EDIL3: variants seen among roughly 807,000 people sequenced by gnomAD.
The protein encoded by EDIL3 is EGF like and discoidin domains 3, also known as EGF-like repeat and discoidin I-like domain-containing protein 3.
In EDIL3, 37 loss-of-function variants were observed where a neutral mutation model predicts 67.4. The observed-to-expected ratio is 0.55, with a 90% confidence interval of 0.42 to 0.72. The LOEUF is 0.72. Among genes scored for constraint, EDIL3 ranks in the 30% least tolerant of loss-of-function variants. The pLI is 0.00. For synonymous variants in EDIL3, 195 were observed against 196.3 expected (o/e 0.99, Z 0.05); for missense variants, 527 against 586.3 (o/e 0.90, Z 1.04).
chr5:84,265,655 G>A (rs1370132320), intron 1 of EDIL3, among the ~76,000 whole-genome samples: 1 of 152,120 alleles, frequency 6.6e-6, no homozygotes, highest in African/African-American at 2.4e-5. Context: ...TTTATTCACA[G>A]CCACAACAGT....
intron 2 of EDIL3, among the ~76,000 whole-genome samples, chr5:84,252,977 T>C (rs561044175): frequency 1.4e-4 from 21 of 152,058 alleles, no homozygotes; most frequent in Non-Finnish European, 2.1e-4. Flanking sequence ...TAATGCAATA[T>C]AAAAAATAAG....
intron 1 of EDIL3, among the ~76,000 whole-genome samples, chr5:84,256,945 C>A (rs1351473323): frequency 6.6e-6 from 1 of 152,076 alleles, no homozygotes; most frequent in African/African-American, 2.4e-5. Flanking sequence ...AATAAAAGTT[C>A]CCCCAAATCA....
chr5:83,945,974 G>C (rs542145443), intron 10 of EDIL3, among the ~76,000 whole-genome samples: 1 of 152,050 alleles, frequency 6.6e-6, no homozygotes, highest in East Asian at 1.9e-4. Context: ...TACTTGTTGT[G>C]TAAACATGTG....
chr5:84,382,745 G>T (rs1303026890), intron 1 of EDIL3, among the ~76,000 whole-genome samples: 1 of 152,146 alleles, frequency 6.6e-6, no homozygotes, highest in Non-Finnish European at 1.5e-5. Flanking sequence ...GCAACTACTG[G>T]AACCATTACC....
At position 83,957,205 on chromosome 5, in the gene EDIL3, G is replaced by C. The variant is rs373352797; in HGVS notation, c.1293+6000C>G. On this transcript the variant is annotated intron_variant, in intron 10 of 10. Coordinates refer to ENST00000296591, the MANE Select transcript of EDIL3 (RefSeq NM_005711.5). ...TCTCCATGCAATATGGAGTGAAACC[G>C]TCCTTGATCCTGCTGCTCAGAAACA... Among the ~76,000 whole-genome samples, 12 of 151,796 alleles carry C rather than the reference G, an allele frequency of 7.9e-5. No homozygotes were observed. In the East Asian group the frequency reaches 2.1e-3, roughly 27 times the overall value.
intron 1 of EDIL3, among the ~76,000 whole-genome samples, chr5:84,348,846 G>T (rs780258313): frequency 2.0e-5 from 3 of 152,064 alleles, no homozygotes; most frequent in African/African-American, 7.2e-5. Context: ...TACATCTAGT[G>T]TTTGTTGAGC....
At chr5:84,133,267 C>A (rs887137999) in intron 5 of EDIL3, among the ~76,000 whole-genome samples, 7 of 151,842 alleles carry the variant, frequency 4.6e-5, no homozygotes, top group Admixed American at 3.9e-4. Context: ...CATTCCAATT[C>A]ATCATCATTT....
chr5:84,143,367 TATA>T (rs1336842254), intron 4 of EDIL3, among the ~76,000 whole-genome samples: 4 of 152,082 alleles, frequency 2.6e-5, no homozygotes, highest in African/African-American at 9.6e-5. Context: ...ACAAACCTTT[TATA>T]ATAATTTATT....
At chr5:84,251,143 C>G (rs1168843631) in intron 2 of EDIL3, among the ~76,000 whole-genome samples, 1 of 152,106 alleles carries the variant, frequency 6.6e-6, no homozygotes, top group Admixed American at 6.5e-5. Flanking sequence ...GATGGAGTCT[C>G]TCTCTGTCAC....
chr5:84,163,769 T>C (rs568455564), intron 4 of EDIL3, among the ~76,000 whole-genome samples: 69 of 152,252 alleles, frequency 4.5e-4, no homozygotes, highest in African/African-American at 1.6e-3. Flanking sequence ...ATGTATAAAC[T>C]TGCAGTTTAA....
chr5:84,303,106 C>T (rs376448733), intron 1 of EDIL3, among the ~76,000 whole-genome samples: 1 of 152,196 alleles, frequency 6.6e-6, no homozygotes, highest in South Asian at 2.1e-4. Context: ...GATCTGTACA[C>T]TTGTCCTTTG....
At chr5:84,180,951 A>G (rs543973487) in intron 3 of EDIL3, 2 of 152,512 alleles carry the variant, frequency 1.3e-5, no homozygotes, top group East Asian at 3.9e-4. Flanking sequence ...AGTAATATTG[A>G]ATAGCAATTT....
chr5:84,119,003 G>A (rs1456008435), intron 5 of EDIL3, among the ~76,000 whole-genome samples: 1 of 152,022 alleles, frequency 6.6e-6, no homozygotes, highest in African/African-American at 2.4e-5. Flanking sequence ...TCATAAGTTT[G>A]AAAGAATACA....
At chr5:84,069,120 G>A (rs1366899571) in intron 6 of EDIL3, among the ~76,000 whole-genome samples, 1 of 152,122 alleles carries the variant, frequency 6.6e-6, no homozygotes, top group East Asian at 1.9e-4. Flanking sequence ...TATTCTCTAT[G>A]AGCTTGGTGG....
At chr5:84,097,198 G>A (rs758830451) in intron 6 of EDIL3, among the ~76,000 whole-genome samples, 2 of 152,108 alleles carry the variant, frequency 1.3e-5, no homozygotes, top group African/African-American at 2.4e-5. Flanking sequence ...CACATAAAAA[G>A]GGAACATATT....
intron 6 of EDIL3, among the ~76,000 whole-genome samples, chr5:84,069,877 C>A (rs910199935): frequency 2.6e-5 from 4 of 152,100 alleles, no homozygotes; most frequent in Non-Finnish European, 5.9e-5. Context: ...AGTGGGCACA[C>A]ACACAAGCAG....
chr5:84,360,376 C>T (rs1747571891), intron 1 of EDIL3, among the ~76,000 whole-genome samples: 1 of 152,120 alleles, frequency 6.6e-6, no homozygotes, highest in Non-Finnish European at 1.5e-5. Context: ...GTACAGCCTT[C>T]CCTGAGTTCA....
intron 1 of EDIL3, among the ~76,000 whole-genome samples, chr5:84,336,773 A>AT (rs1746994934): frequency 6.6e-6 from 1 of 152,158 alleles, no homozygotes; most frequent in Non-Finnish European, 1.5e-5. Flanking sequence ...TGGTAAGTTT[A>AT]TTTATCTTAG....
At chr5:84,167,479 C>T (rs1325810179) in intron 4 of EDIL3, among the ~76,000 whole-genome samples, 2 of 152,048 alleles carry the variant, frequency 1.3e-5, no homozygotes, top group African/African-American at 2.4e-5. Flanking sequence ...AATTGAGGCA[C>T]CTGGTGTTTC....
Sources: allele counts gnomAD v4.1 joint callset (sites outside exome capture counted in the v4.1 genomes callset), GRCh38; gene constraint gnomAD v4.1.1; transcripts MANE v1.5; gene names NCBI Gene and HGNC (gene_info 2026-07-23, HGNC 2026-07-21).